Variants in GRIK2 observed in about 807,000 individuals in gnomAD.
GRIK2 encodes the protein glutamate receptor ionotropic, kainate 2.
GRIK2 carries 32 observed loss-of-function variants against 100.3 expected under a neutral mutation model. The observed-to-expected ratio is 0.32, with a 90% CI of 0.24 to 0.43. The LOEUF (loss-of-function observed/expected upper bound fraction) is 0.43, where lower values mean the gene tolerates loss of function less well. Ranked by LOEUF, GRIK2 falls within the 20% of genes least tolerant of loss-of-function variation. GRIK2 has a pLI of 1.00. For missense variants in GRIK2, 843 were observed against 1,114.9 expected (o/e 0.76, Z 3.47); for synonymous variants, 417 against 389.4 (o/e 1.07, Z -0.83).
At chr6:101,697,763 T>C (rs9498669) in intron 7 of GRIK2, among the ~76,000 whole-genome samples, 111,534 of 151,822 alleles carry the variant, frequency 0.73, 43,451 homozygotes, top group South Asian at 0.89. Context: ...TTTGTAAACT[T>C]CTGCTAACAG....
intron 14 of GRIK2, among the ~76,000 whole-genome samples, chr6:101,984,882 T>C (rs779961187): frequency 5.3e-5 from 8 of 151,806 alleles, no homozygotes; most frequent in Non-Finnish European, 1.2e-4. Flanking sequence ...CTTTTTAAAA[T>C]AAAATAGTAA....
chr6:101,432,537 G>A (rs989087256), intron 2 of GRIK2, among the ~76,000 whole-genome samples: 1 of 152,250 alleles, frequency 6.6e-6, no homozygotes, highest in Non-Finnish European at 1.5e-5. Context: ...GATGAATGGG[G>A]TTCTGTCCCA....
chr6:102,012,019 A>C (rs867966468), intron 14 of GRIK2, among the ~76,000 whole-genome samples: 4 of 152,128 alleles, frequency 2.6e-5, no homozygotes, highest in Non-Finnish European at 4.4e-5. Flanking sequence ...ATTTCACTCT[A>C]TGATCCATTT....
chr6:102,003,909 T>A (rs953861069), intron 14 of GRIK2, among the ~76,000 whole-genome samples: 2 of 151,720 alleles, frequency 1.3e-5, no homozygotes, highest in African/African-American at 4.8e-5. Context: ...TAAATCTGAT[T>A]TATAATATAA....
intron 4 of GRIK2, among the ~76,000 whole-genome samples, chr6:101,629,851 C>A (rs1780641624): frequency 6.6e-6 from 1 of 151,876 alleles, no homozygotes; most frequent in East Asian, 1.9e-4. Context: ...GTTTTTCAAC[C>A]CTTAACCTCT....
rs572026874 is a variant in GRIK2 at position 101,596,229 on chromosome 6, CT to C, written c.116-25708del. Among the ~76,000 whole-genome samples, 971 of 135,726 alleles carry C rather than the reference CT, an allele frequency of 7.2e-3. 2 individuals are homozygous for C. Among genetic ancestry groups the C allele is most frequent in the African/African-American group, 0.019 (727 of 37,330 alleles). The allele number at this position is 135,726 out of a possible 152,430, so 89.0% of individuals were successfully genotyped here. A position where few individuals can be genotyped will look rare whatever the true frequency, so the allele number is the denominator to read the frequency against. On this transcript the variant is annotated intron_variant, in intron 2 of 16. Transcript: ENST00000369134. ...TCCTTTTTTTTTTTCTTGCTGTGTC[CT>C]TTTTTTTTTTTCCTCTCAGGCAAAA...
At chr6:101,706,928 T>C (rs1388553950) in intron 7 of GRIK2, among the ~76,000 whole-genome samples, 3 of 151,896 alleles carry the variant, frequency 2.0e-5, no homozygotes, top group Non-Finnish European at 4.4e-5. Flanking sequence ...TTCATAGTCA[T>C]CAAATATATG....
intron 3 of GRIK2, among the ~76,000 whole-genome samples, chr6:101,624,229 AT>A (rs1780318718): frequency 6.6e-6 from 1 of 152,108 alleles, no homozygotes. Flanking sequence ...ACTTAGAAAC[AT>A]TCTAAATAAC....
intron 7 of GRIK2, among the ~76,000 whole-genome samples, chr6:101,762,450 A>C (rs1777788786): frequency 1.3e-5 from 2 of 151,864 alleles, no homozygotes; most frequent in Admixed American, 6.6e-5. Context: ...TGCTTTCCTG[A>C]CACCGGTATC....
At chr6:101,718,779 T>A (rs1361285116) in intron 7 of GRIK2, among the ~76,000 whole-genome samples, 1 of 151,920 alleles carries the variant, frequency 6.6e-6, no homozygotes, top group African/African-American at 2.4e-5. Context: ...CCTGTTGTGT[T>A]CTTAGAGGTG....
chr6:101,763,392 A>T (rs1236755499), intron 7 of GRIK2, among the ~76,000 whole-genome samples: 1 of 152,156 alleles, frequency 6.6e-6, no homozygotes, highest in Non-Finnish European at 1.5e-5. Context: ...TTAGTTGCTG[A>T]TATCTGATTA....
At chr6:101,408,375 TGAGAGAGA>T (rs3058218) in intron 2 of GRIK2, among the ~76,000 whole-genome samples, 9 of 148,112 alleles carry the variant, frequency 6.1e-5, no homozygotes, top group East Asian at 6.0e-4. Flanking sequence ...AGGGAGGAAG[TGAGAGAGA>T]GAGAGAGAGA....
intron 11 of GRIK2, among the ~76,000 whole-genome samples, chr6:101,869,875 G>C (rs970981067): frequency 6.6e-6 from 1 of 151,782 alleles, no homozygotes; most frequent in African/African-American, 2.4e-5. Flanking sequence ...AGAGATCAAA[G>C]CTTTTTCTAT....
At chr6:101,795,226 T>C (rs1300548639) in intron 7 of GRIK2, among the ~76,000 whole-genome samples, 1 of 152,194 alleles carries the variant, frequency 6.6e-6, no homozygotes, top group East Asian at 1.9e-4. Flanking sequence ...TATGGATTTA[T>C]CTATGGTATT....
intron 2 of GRIK2, among the ~76,000 whole-genome samples, chr6:101,484,517 T>G (rs1772708435): frequency 6.7e-6 from 1 of 148,612 alleles, no homozygotes; most frequent in African/African-American, 2.5e-5. Context: ...TTTTATAACA[T>G]TTAAAATGTA....
intron 12 of GRIK2, among the ~76,000 whole-genome samples, chr6:101,906,561 G>C (rs1326242111): frequency 6.6e-6 from 1 of 151,576 alleles, no homozygotes; most frequent in Non-Finnish European, 1.5e-5. Context: ...AAATGTACAT[G>C]GGAAGGCACC....
intron 9 of GRIK2, among the ~76,000 whole-genome samples, chr6:101,808,945 A>G (rs1478860241): frequency 6.6e-6 from 1 of 151,664 alleles, no homozygotes. Context: ...AAGACATTTT[A>G]TGAAATATAT....
At chr6:102,018,371 G>T (rs917680149) in intron 14 of GRIK2, among the ~76,000 whole-genome samples, 1 of 151,978 alleles carries the variant, frequency 6.6e-6, no homozygotes, top group African/African-American at 2.4e-5. Flanking sequence ...AAATATGTTA[G>T]GCTCTGATAT....
chr6:101,505,051 GTTTTT>G (rs955455541), intron 2 of GRIK2, among the ~76,000 whole-genome samples: 5 of 113,068 alleles, frequency 4.4e-5, no homozygotes, highest in African/African-American at 1.8e-4. Context: ...TTGTCATTAA[GTTTTT>G]TTTGTTTTTT....
Sources: gnomAD v4.1 joint callset for allele counts (sites outside exome capture counted in the v4.1 genomes callset) on GRCh38, gnomAD v4.1.1 for gene constraint, MANE v1.5 for transcripts, NCBI Gene and HGNC (gene_info 2026-07-23, HGNC 2026-07-21) for gene names.